ABL1: variants seen among roughly 807,000 people sequenced by gnomAD.
ABL1 encodes tyrosine-protein kinase ABL1.
A neutral mutation model predicts 94.7 loss-of-function variants in ABL1; 11 were observed. The observed-to-expected ratio is 0.12, with a 90% CI of 0.07 to 0.19. The LOEUF (loss-of-function observed/expected upper bound fraction) is 0.19, where lower values mean the gene tolerates loss of function less well. ABL1 is among the 10% of genes least tolerant of loss of function. The pLI is 1.00. For synonymous variants in ABL1, 656 were observed against 622.4 expected, an observed-to-expected ratio of 1.05 and a Z score of -0.80; for missense variants, 1,082 against 1,489.4, an observed-to-expected ratio of 0.73 and a Z score of 4.50.
At chr9:130,810,055 G>C (rs1588247591) in intron 1 of ABL1, among the ~76,000 whole-genome samples, 1 of 152,298 alleles carries the variant, frequency 6.6e-6, no homozygotes, top group East Asian at 1.9e-4. Context: ...GAATTACTAG[G>C]TATGAGCAGA....
chr9:130,850,606 A>C (rs1379146624), intron 1 of ABL1, among the ~76,000 whole-genome samples: 1 of 152,142 alleles, frequency 6.6e-6, no homozygotes, highest in Non-Finnish European at 1.5e-5. Flanking sequence ...TCCTGTGTTC[A>C]AGCGATTCTC....
rs2133022341 is a variant in ABL1, at chr9:130,880,090, C to T, written c.1446C>T (p.Asp482=). Residue 482 remains aspartate, a synonymous_variant, in exon 9 of 11, where the codon GAC becomes GAT. Coordinates refer to ENST00000318560, the MANE Select transcript of ABL1 (RefSeq NM_005157.6). This position sits in a 1 kb window ranked among gnomAD's most constrained non-coding sequence, Gnocchi z 4.4. ...MRACWQWNPS[D]RPSFAEIHQA... ...CAGGTTGGCAGTGGAATCCCTCTGA[C>T]CGGCCCTCCTTTGCTGAAATCCACC... 6.2e-7 allele frequency: 1 copy of T among 1,614,214 alleles called. No individual in the cohort carries two copies. Among genetic ancestry groups the T allele is most frequent in the African/African-American group, 1.3e-5 (1 of 75,052 alleles).
intron 1 of ABL1, among the ~76,000 whole-genome samples, chr9:130,781,185 G>A (rs1168395054): frequency 6.6e-6 from 1 of 152,186 alleles, no homozygotes; most frequent in Non-Finnish European, 1.5e-5. Flanking sequence ...ATTTGGTAAT[G>A]GTAAGATTAA....
intron 1 of ABL1, among the ~76,000 whole-genome samples, chr9:130,766,186 A>T (rs1017948395): frequency 2.0e-5 from 3 of 152,214 alleles, no homozygotes; most frequent in African/African-American, 7.2e-5. Flanking sequence ...GCACTCACAG[A>T]CACATACCAA....
chr9:130,756,792 CTT>C (rs1334674467), intron 1 of ABL1, among the ~76,000 whole-genome samples: 1 of 152,308 alleles, frequency 6.6e-6, no homozygotes, highest in African/African-American at 2.4e-5. Flanking sequence ...TCTGTATCCT[CTT>C]TAACTTGGCT....
intron 1 of ABL1, among the ~76,000 whole-genome samples, chr9:130,820,727 T>C (rs926404080): frequency 3.3e-5 from 5 of 152,212 alleles, no homozygotes; most frequent in Non-Finnish European, 5.9e-5. Flanking sequence ...ACTGGGTGCA[T>C]TTCTAATCCT....
At chr9:130,769,602 G>A (rs1409483603) in intron 1 of ABL1, among the ~76,000 whole-genome samples, 1 of 152,046 alleles carries the variant, frequency 6.6e-6, no homozygotes, top group East Asian at 1.9e-4. Context: ...GCCTCCCAAG[G>A]TGCTGGGATT....
At position 130,874,958 on chromosome 9, in the gene ABL1, C is replaced by T; in HGVS notation, c.1176C>T (p.Thr392=). The part of the protein sequence containing the change: ...FGLSRLMTGD[T]YTAHAGAKFP... ...TGAGCAGGTTGATGACAGGGGACAC[C>T]TACACAGCCCATGCTGGAGCCAAGT... is the stretch of plus-strand genomic sequence containing the variant. Residue 392 remains threonine (T), a synonymous_variant, in exon 7 of 11, where the codon ACC becomes ACT. Coordinates refer to ENST00000318560, the MANE Select transcript of ABL1 (RefSeq NM_005157.6). 6.2e-7 allele frequency: 1 copy of T among 1,614,146 alleles called. No homozygotes were observed.
chr9:130,831,935 A>G (rs1340737757), upstream of ABL1, among the ~76,000 whole-genome samples: 1 of 152,044 alleles, frequency 6.6e-6, no homozygotes. Flanking sequence ...CATCTTACAT[A>G]TGCATACAGA....
intron 4 of ABL1, among the ~76,000 whole-genome samples, chr9:130,867,970 G>GT (rs1430933192): frequency 1.5e-5 from 2 of 137,408 alleles, no homozygotes; most frequent in Non-Finnish European, 3.1e-5. Context: ...TTTTGTTTTT[G>GT]TTTTTTTGAG....
At chr9:130,729,390 A>G (rs147087862) in intron 1 of ABL1, among the ~76,000 whole-genome samples, 1 of 152,198 alleles carries the variant, frequency 6.6e-6, no homozygotes, top group East Asian at 1.9e-4. Flanking sequence ...CCATGCCCTC[A>G]TCTTCTCTCA....
chr9:130,749,663 G>A (rs1347677676), intron 1 of ABL1, among the ~76,000 whole-genome samples: 2 of 152,330 alleles, frequency 1.3e-5, no homozygotes, highest in Non-Finnish European at 2.9e-5. Context: ...TCCATCTGTT[G>A]AATGAGGCTG....
At chr9:130,759,963 ATTTTTTTTTTTTTTTT>A (rs34154339) in intron 1 of ABL1, among the ~76,000 whole-genome samples, 2 of 93,028 alleles carry the variant, frequency 2.1e-5, no homozygotes, top group Non-Finnish European at 4.0e-5. Context: ...AGGTAATTTA[ATTTTTTTTTTTTTTTT>A]TTTTTTTTTT....
chr9:130,857,823 A>G (rs1278212642), intron 3 of ABL1, among the ~76,000 whole-genome samples: 2 of 152,168 alleles, frequency 1.3e-5, no homozygotes, highest in African/African-American at 4.8e-5. Context: ...GACGGACAAA[A>G]GAGCCTGTTA....
intron 7 of ABL1, among the ~76,000 whole-genome samples, chr9:130,877,325 G>A (rs1330234178): frequency 1.3e-5 from 2 of 148,160 alleles, no homozygotes; most frequent in Non-Finnish European, 3.0e-5. Context: ...GGAATTTTAA[G>A]GCAATAATCT....
exon 1 of ABL1, chr9:130,714,043 G>A (rs943959845): frequency 1.5e-5 from 5 of 329,890 alleles, no homozygotes; most frequent in East Asian, 1.4e-4. Context: ...TTGTTATTCA[G>A]CCCGTTTAAA....
At chr9:130,877,496 C>A (rs28660075) in intron 7 of ABL1, among the ~76,000 whole-genome samples, 1 of 147,846 alleles carries the variant, frequency 6.8e-6, no homozygotes, top group Non-Finnish European at 1.5e-5. Context: ...CAGCTGACTT[C>A]CGGCGCCAGG....
chr9:130,807,694 A>ATATT (rs1564295840), intron 1 of ABL1, among the ~76,000 whole-genome samples: 1 of 63,980 alleles, frequency 1.6e-5, no homozygotes, highest in African/African-American at 6.9e-5. Context: ...ATATATATAT[A>ATATT]GTTTTTTTTT....
At chr9:130,830,931 C>T (rs564348316), upstream of ABL1, among the ~76,000 whole-genome samples, 244 of 152,168 alleles carry the variant, frequency 1.6e-3, 1 homozygote, top group Middle Eastern at 6.8e-3. Context: ...TAGTGCTACC[C>T]GATTGAAAAA....
Sources: allele counts gnomAD v4.1 joint callset (sites outside exome capture counted in the v4.1 genomes callset), GRCh38; gene constraint gnomAD v4.1.1; non-coding constraint Gnocchi (gnomAD v3.1); transcripts MANE v1.5; gene names NCBI Gene and HGNC (gene_info 2026-07-23, HGNC 2026-07-21).